ZNF280B: variants seen among roughly 807,000 people sequenced by gnomAD.
The protein encoded by ZNF280B is suppressor of hairy wing homolog 2.
A neutral mutation model predicts 38.0 loss-of-function variants in ZNF280B; 16 were observed. The ratio of observed to expected loss-of-function variants is 0.42; its 90% CI spans 0.28 to 0.64. The LOEUF (loss-of-function observed/expected upper bound fraction) is 0.64. Among genes scored for constraint, ZNF280B ranks in the 30% least tolerant of loss-of-function variants. ZNF280B has a pLI of 0.21. For missense variants in ZNF280B, 581 were observed against 639.6 expected (o/e 0.91, Z 0.99); for synonymous variants, 253 against 230.6 (o/e 1.10, Z -0.88).
At chr22:22,489,536 G>C in intron 3 of ZNF280B, 70 bp from the exon 4 acceptor site, 1 of 755,238 alleles carries the variant, frequency 1.3e-6, no homozygotes, top group Non-Finnish European at 2.0e-6. Context: ...CCAAAACATT[G>C]TTTTTATAAA....
chr22:22,489,577 T>C, intron 3 of ZNF280B, 111 bp from the exon 4 acceptor site: 1 of 563,208 alleles, frequency 1.8e-6, no homozygotes. Flanking sequence ...ACACTGAGAC[T>C]GAAAGAGGAT....
chr22:22,502,040 T>A (rs1252979672), intron 2 of ZNF280B, among the ~76,000 whole-genome samples: 1 of 151,750 alleles, frequency 6.6e-6, no homozygotes, highest in East Asian at 2.0e-4. Flanking sequence ...GATGGGAGGA[T>A]CACTGGAGCC....
At chr22:22,492,119 A>G (rs2061606790) in intron 3 of ZNF280B, among the ~76,000 whole-genome samples, 2 of 151,978 alleles carry the variant, frequency 1.3e-5, no homozygotes, top group Admixed American at 1.3e-4. Flanking sequence ...TTAAAAAGGA[A>G]TACAATATTA....
intron 3 of ZNF280B, 92 bp from the exon 4 acceptor site, chr22:22,489,558 C>T (rs1451458508): frequency 1.8e-5 from 11 of 616,964 alleles, no homozygotes; most frequent in Non-Finnish European, 2.7e-5. Flanking sequence ...CACTATTTTA[C>T]CCACAAGGAC....
chr22:22,492,429 A>C (rs2061613735), intron 3 of ZNF280B, among the ~76,000 whole-genome samples: 1 of 151,928 alleles, frequency 6.6e-6, no homozygotes, highest in South Asian at 2.1e-4. Flanking sequence ...ACCCACTAGA[A>C]ACCAGCAGTA....
rs770124612 is a variant in ZNF280B, at chr22:22,488,066, T to C, written c.1333A>G (p.Thr445Ala). The change falls in exon 4 of 4, where the codon ACA becomes GCA. Residue 445 changes from threonine to alanine, a missense_variant. Physicochemically the swap from Thr to Ala is moderately conservative, Grantham distance 58. Coordinates refer to ENST00000626650, the MANE Select transcript of ZNF280B (RefSeq NM_080764.4). ...PFCLKIFKTATPYMCHYRGHW... is the reference protein window; with the variant it reads ...PFCLKIFKTAAPYMCHYRGHW... Reference sequence around the variant, plus strand: ...CCCCTATAATGACACATGTATGGTGTTGCTGTTTTGAAAATTTTGAGACAA... The same window carrying C: ...CCCCTATAATGACACATGTATGGTGCTGCTGTTTTGAAAATTTTGAGACAA... 1.2e-5 allele frequency: 19 copies of C among 1,613,816 alleles called. No individual in the cohort carries two copies. In the East Asian group the frequency reaches 1.8e-4, roughly 15 times the overall value.
intron 2 of ZNF280B, among the ~76,000 whole-genome samples, chr22:22,497,649 C>T (rs1443471697): frequency 1.3e-5 from 2 of 151,740 alleles, no homozygotes; most frequent in Non-Finnish European, 2.9e-5. Context: ...TATTAAATGC[C>T]CAGCAACAGG....
At chr22:22,491,679 T>C (rs1270581093) in intron 3 of ZNF280B, among the ~76,000 whole-genome samples, 3 of 151,810 alleles carry the variant, frequency 2.0e-5, no homozygotes, top group Non-Finnish European at 4.4e-5. Flanking sequence ...AGGCTGGTCT[T>C]GAACTCCTGA....
chr22:22,507,020 C>T (rs2146871301), intron 2 of ZNF280B, among the ~76,000 whole-genome samples: 1 of 151,990 alleles, frequency 6.6e-6, no homozygotes, highest in East Asian at 2.0e-4. Flanking sequence ...AGACTCTGCC[C>T]TTCATCTTGG....
intron 2 of ZNF280B, among the ~76,000 whole-genome samples, chr22:22,499,189 G>T (rs2061765018): frequency 6.6e-6 from 1 of 151,538 alleles, no homozygotes; most frequent in African/African-American, 2.4e-5. Flanking sequence ...TGACCAAGTG[G>T]GATTTATTTA....
intron 3 of ZNF280B, among the ~76,000 whole-genome samples, chr22:22,492,867 C>G (rs2061623639): frequency 6.8e-6 from 1 of 147,252 alleles, no homozygotes; most frequent in African/African-American, 2.5e-5. Context: ...GTCCGGGTGA[C>G]AGTGCGAGAC....
chr22:22,495,055 G>A (rs1420579244), intron 2 of ZNF280B, among the ~76,000 whole-genome samples: 2 of 151,928 alleles, frequency 1.3e-5, no homozygotes, highest in African/African-American at 4.8e-5. Flanking sequence ...AACCACACAC[G>A]AGTTTTTAAC....
At chr22:22,491,530 C>G (rs1601704685) in intron 3 of ZNF280B, among the ~76,000 whole-genome samples, 1 of 147,074 alleles carries the variant, frequency 6.8e-6, no homozygotes, top group Non-Finnish European at 1.5e-5. Context: ...GCAATCTCAG[C>G]TCACGGCAAC....
chr22:22,496,820 T>C (rs2061705552), intron 2 of ZNF280B, among the ~76,000 whole-genome samples: 1 of 148,408 alleles, frequency 6.7e-6, no homozygotes, highest in South Asian at 2.2e-4. Flanking sequence ...ATCTACTCTT[T>C]TTTTTTTTTT....
chr22:22,494,727 T>TA (rs1204323144), intron 2 of ZNF280B, among the ~76,000 whole-genome samples: 3 of 151,980 alleles, frequency 2.0e-5, no homozygotes, highest in East Asian at 2.0e-4. Flanking sequence ...ATGGCCCTTC[T>TA]ACTAGATCAT....
chr22:22,502,446 C>A (rs1432819686), intron 2 of ZNF280B, among the ~76,000 whole-genome samples: 2 of 151,808 alleles, frequency 1.3e-5, no homozygotes, highest in African/African-American at 4.8e-5. Flanking sequence ...TAGGTATATA[C>A]CCAAGAGAAT....
chr22:22,498,956 C>A (rs2061759962), intron 2 of ZNF280B, among the ~76,000 whole-genome samples: 1 of 151,474 alleles, frequency 6.6e-6, no homozygotes, highest in Non-Finnish European at 1.5e-5. Flanking sequence ...CGCCATCACG[C>A]CCAGCTAATT....
At chr22:22,500,971 G>A (rs145272241) in intron 2 of ZNF280B, among the ~76,000 whole-genome samples, 2,485 of 131,390 alleles carry the variant, frequency 0.019, 85 homozygotes, top group African/African-American at 0.066. Context: ...AGTGAGTGGA[G>A]ATCGCACCAC....
rs758733312 is a variant in ZNF280B, at chr22:22,487,107, G to A, written c.*660C>T. On this transcript the variant is annotated 3_prime_UTR_variant, in exon 4 of 4. Transcript: ENST00000626650. ...AAAAATTCTATGAATTCTGTATATAGAAAAAAGAGCTTTCAAGCTTAGGAG... is the reference window on the plus strand; with the variant it reads ...AAAAATTCTATGAATTCTGTATATAAAAAAAAGAGCTTTCAAGCTTAGGAG... 1.1e-4 allele frequency: 16 copies of A among 151,754 alleles called. No individual in the cohort carries two copies. The highest frequency in any genetic ancestry group is 1.8e-4 in the Non-Finnish European group (12 of 67,946). The allele number at this position is 151,754 out of a possible 1,614,324, so 9.4% of individuals were successfully genotyped here.
Sources: allele counts gnomAD v4.1 joint callset (sites outside exome capture counted in the v4.1 genomes callset), GRCh38; gene constraint gnomAD v4.1.1; transcripts MANE v1.5; gene names NCBI Gene and HGNC (gene_info 2026-07-23, HGNC 2026-07-21).